Variants in MTRR observed in about 807,000 individuals in gnomAD.
The protein encoded by MTRR is 5-methyltetrahydrofolate-homocysteine methyltransferase reductase, also known as methionine synthase reductase.
Under a neutral mutation model 79.2 loss-of-function variants are expected in MTRR, and 63 were observed. The ratio of observed to expected loss-of-function variants is 0.80; its 90% CI spans 0.65 to 0.98. The LOEUF (loss-of-function observed/expected upper bound fraction) is 0.98, where lower values mean the gene tolerates loss of function less well. MTRR is among the 50% of genes least tolerant of loss of function. MTRR has a pLI of 0.00. For synonymous variants in MTRR, 355 were observed against 313.3 expected, an observed-to-expected ratio of 1.13 and a Z score of -1.41; for missense variants, 895 against 839.6, an observed-to-expected ratio of 1.07 and a Z score of -0.82.
At chr5:7,854,223 C>T (rs542507404) in intron 1 of MTRR, among the ~76,000 whole-genome samples, 2 of 151,984 alleles carry the variant, frequency 1.3e-5, no homozygotes, top group Non-Finnish European at 2.9e-5. Flanking sequence ...AGCATAAAAA[C>T]CCTCCTCTCA....
chr5:7,869,160 C>A lies in MTRR; in HGVS notation c.-81C>A. ...TGGGCGCTGCGTCAGTGCGCGCTGG[C>A]GCAAGGTTGGTGGAAGTCGCGTTGT... On this transcript the variant is annotated 5_prime_UTR_variant, in exon 1 of 15. Coordinates refer to ENST00000440940, the MANE Select transcript of MTRR (RefSeq NM_002454.3). 5.0e-6 allele frequency: 8 copies of A among 1,612,960 alleles called. No homozygotes were observed. The highest frequency in any genetic ancestry group is 6.8e-6 in the Non-Finnish European group (8 of 1,179,840).
upstream of MTRR, chr5:7,867,100 ATG>A: frequency 6.2e-7 from 1 of 1,614,212 alleles, no homozygotes; most frequent in Non-Finnish European, 8.5e-7. Flanking sequence ...CGTTAGTGAA[ATG>A]TGGGACATGC....
intron 2 of MTRR, among the ~76,000 whole-genome samples, chr5:7,871,563 G>A (rs780827543): frequency 2.0e-5 from 3 of 152,224 alleles, no homozygotes; most frequent in Non-Finnish European, 4.4e-5. Context: ...TATACCACAA[G>A]ATGATTTGCC....
chr5:7,899,270 A>G (rs1466258366), intron 14 of MTRR, among the ~76,000 whole-genome samples: 1 of 152,156 alleles, frequency 6.6e-6, no homozygotes, highest in African/African-American at 2.4e-5. Flanking sequence ...GGATCAGAGG[A>G]TAAGTGAGTT....
At chr5:7,892,047 TAAA>T (rs1048064360) in intron 10 of MTRR, among the ~76,000 whole-genome samples, 1 of 150,944 alleles carries the variant, frequency 6.6e-6, no homozygotes, top group African/African-American at 2.4e-5. Flanking sequence ...CTCAAAAAAA[TAAA>T]AAAAAAGAAT....
chr5:7,866,756 A>G, upstream of MTRR: 1 of 1,614,098 alleles, frequency 6.2e-7, no homozygotes, highest in Non-Finnish European at 8.5e-7. Flanking sequence ...TTTGGGTGGA[A>G]AATAATTGAA....
chr5:7,855,376 T>C (rs1746210313), intron 1 of MTRR, among the ~76,000 whole-genome samples: 1 of 146,710 alleles, frequency 6.8e-6, no homozygotes, highest in Non-Finnish European at 1.5e-5. Context: ...GTATTTAGGA[T>C]AAAATAATAT....
intron 5 of MTRR, among the ~76,000 whole-genome samples, chr5:7,879,583 G>A (rs1409496800): frequency 8.6e-5 from 13 of 151,800 alleles, no homozygotes; most frequent in African/African-American, 3.1e-4. Context: ...ACTTAAGAGA[G>A]ACAATATAAA....
chr5:7,875,164 G>T (rs986258051), intron 3 of MTRR, 94 bp from the exon 4 acceptor site: 40 of 883,632 alleles, frequency 4.5e-5, no homozygotes, highest in Admixed American at 1.2e-4. Context: ...ATAAGAGCAT[G>T]AAATAGTATT....
chr5:7,895,407 G>A lies in MTRR; in HGVS notation c.1558-327G>A, dbSNP rs162051. On this transcript the variant is annotated intron_variant, in intron 11 of 14. Transcript: ENST00000440940. ...TAGGGTACATTTCTCCATAATATAT[G>A]CTATTGTCTGCCCACCAGAAAGCAG... Among the ~76,000 whole-genome samples the A allele has an allele frequency of 0.89, 135,225 of 152,206 alleles. 60,377 individuals carry two copies. Among genetic ancestry groups the A allele is most frequent in the African/African-American group, 0.97 (40,171 of 41,556 alleles).
chr5:7,895,782 C>A lies in MTRR; in HGVS notation c.1606C>A (p.Pro536Thr). The A allele has an allele frequency of 6.2e-7, 1 of 1,614,020 alleles. No individual in the cohort carries two copies. The highest frequency in any genetic ancestry group is 8.5e-7 in the Non-Finnish European group (1 of 1,179,924). Residue 536 changes from proline to threonine, a missense_variant, in exon 12 of 15, where the codon CCC (proline) becomes ACC (threonine). Pro to Thr is a conservative substitution (Grantham distance 38). Coordinates refer to ENST00000440940, the MANE Select transcript of MTRR (RefSeq NM_002454.3). ...AAATTCTTTCCACTTACCAGATGAC[C>A]CCTCAATCCCCATCATAATGGTGGG... ...TTNSFHLPDD[P>T]SIPIIMVGPG...
intron 14 of MTRR, among the ~76,000 whole-genome samples, chr5:7,898,995 G>C (rs775995217): frequency 4.3e-4 from 65 of 152,146 alleles, no homozygotes; most frequent in Non-Finnish European, 7.9e-4. Context: ...ACCCCAGGAA[G>C]CTTCCACTCT....
At chr5:7,874,036 A>G (rs1297496492) in intron 3 of MTRR, among the ~76,000 whole-genome samples, 3 of 152,184 alleles carry the variant, frequency 2.0e-5, no homozygotes, top group Admixed American at 6.5e-5. Context: ...TTCTGATGTA[A>G]TTATTCCAAG....
chr5:7,859,483 TA>T (rs768619881), intron 1 of MTRR: 13 of 1,607,190 alleles, frequency 8.1e-6, no homozygotes, highest in Non-Finnish European at 1.7e-6. Context: ...GTTTTCTTTG[TA>T]AATATTCCAC....
At chr5:7,851,411 G>T in exon 1 of MTRR, 1 of 172,834 alleles carries the variant, frequency 5.8e-6, no homozygotes, top group Non-Finnish European at 1.2e-5. Context: ...CGCATGGTGT[G>T]TCAGGAGCTG....
chr5:7,867,759 A>C (rs549311765), upstream of MTRR: 8 of 1,614,200 alleles, frequency 5.0e-6, no homozygotes, highest in South Asian at 6.6e-5. Context: ...GATGAAGTCA[A>C]GTTGCTCAGT....
chr5:7,851,210 G>T (rs1319986856), exon 1 of MTRR: 2 of 563,068 alleles, frequency 3.6e-6, no homozygotes, highest in Non-Finnish European at 5.3e-6. Flanking sequence ...AGGGTGGAGC[G>T]ACCCTCCCCT....
chr5:7,869,017 G>A (rs1747330975), upstream of MTRR: 2 of 1,242,824 alleles, frequency 1.6e-6, no homozygotes, highest in Non-Finnish European at 2.4e-6. Flanking sequence ...GGTCGCGGAA[G>A]CGCCTGGGCG....
At chr5:7,888,128 C>T (rs1460441260) in intron 8 of MTRR, among the ~76,000 whole-genome samples, 2 of 151,940 alleles carry the variant, frequency 1.3e-5, no homozygotes, top group Non-Finnish European at 2.9e-5. Flanking sequence ...TTAAAAAAGG[C>T]AAACTTTCTT....
Sources: allele counts gnomAD v4.1 joint callset (sites outside exome capture counted in the v4.1 genomes callset), GRCh38; gene constraint gnomAD v4.1.1; transcripts MANE v1.5; gene names NCBI Gene and HGNC (gene_info 2026-07-23, HGNC 2026-07-21).